Variants in ANKS1B observed in about 807,000 individuals in gnomAD.
The protein encoded by ANKS1B is ankyrin repeat and sterile alpha motif domain-containing protein 1B.
ANKS1B carries 36 observed loss-of-function variants against 148.3 expected under a neutral mutation model. The ratio of observed to expected loss-of-function variants is 0.24; its 90% CI spans 0.19 to 0.32. The LOEUF (loss-of-function observed/expected upper bound fraction) is 0.32, where lower values mean the gene tolerates loss of function less well. ANKS1B is among the 10% of genes least tolerant of loss of function. The pLI is 1.00. For missense variants in ANKS1B, 1,157 were observed against 1,542.6 expected (o/e 0.75, Z 4.19); for synonymous variants, 542 against 560.8 (o/e 0.97, Z 0.47).
chr12:98,744,285 G>C lies in ANKS1B; in HGVS notation c.*1454C>G, dbSNP rs2097835754. 2 of 934,390 alleles carry C rather than the reference G, an allele frequency of 2.1e-6. No individual in the cohort carries two copies. Among genetic ancestry groups the C allele is most frequent in the Non-Finnish European group, 2.6e-6 (2 of 783,408 alleles). 57.9% of individuals were successfully genotyped at this position (934,390 alleles called of 1,614,324 possible). On this transcript the variant is annotated 3_prime_UTR_variant, in exon 27 of 27. Transcript: ENST00000683438. ...GAACTAAAACCGTATACATTTGTTA[G>C]TTTGAAATAAAATGTAGTTATTCTT... is the stretch of plus-strand genomic sequence containing the variant.
intron 12 of ANKS1B, among the ~76,000 whole-genome samples, chr12:99,272,927 T>C (rs1051173804): frequency 2.6e-5 from 4 of 152,216 alleles, no homozygotes; most frequent in African/African-American, 9.6e-5. Context: ...TTACTGACCC[T>C]ACCAATATCT....
At chr12:98,959,985 T>G (rs2099868497) in intron 17 of ANKS1B, among the ~76,000 whole-genome samples, 1 of 152,146 alleles carries the variant, frequency 6.6e-6, no homozygotes, top group African/African-American at 2.4e-5. Flanking sequence ...CCAGGTATAT[T>G]CCTAAGGTTT....
intron 11 of ANKS1B, among the ~76,000 whole-genome samples, chr12:99,438,166 T>A (rs1284196604): frequency 6.6e-6 from 1 of 151,912 alleles, no homozygotes; most frequent in Non-Finnish European, 1.5e-5. Context: ...AAAGTACATG[T>A]GAGGAAATCA....
At chr12:99,372,082 C>T (rs192854823) in intron 12 of ANKS1B, among the ~76,000 whole-genome samples, 30 of 152,110 alleles carry the variant, frequency 2.0e-4, no homozygotes, top group African/African-American at 7.0e-4. Flanking sequence ...TGTGTAAACC[C>T]ATAGAATGTA....
intron 12 of ANKS1B, among the ~76,000 whole-genome samples, chr12:99,366,203 G>T (rs1287201545): frequency 6.6e-6 from 1 of 152,178 alleles, no homozygotes; most frequent in Non-Finnish European, 1.5e-5. Flanking sequence ...GAAGTCAGGG[G>T]TATTTCTCTC....
At chr12:99,310,102 T>G (rs2082931613) in intron 12 of ANKS1B, among the ~76,000 whole-genome samples, 1 of 152,106 alleles carries the variant, frequency 6.6e-6, no homozygotes. Context: ...TTTAAGAGAG[T>G]TTGGAGATTA....
chr12:98,983,616 C>T (rs1166799466), intron 17 of ANKS1B, among the ~76,000 whole-genome samples: 1 of 152,208 alleles, frequency 6.6e-6, no homozygotes, highest in Non-Finnish European at 1.5e-5. Context: ...TGATTCACTA[C>T]TGTTTCATAG....
intron 8 of ANKS1B, among the ~76,000 whole-genome samples, chr12:99,699,612 G>A (rs527648221): frequency 7.2e-5 from 11 of 152,196 alleles, no homozygotes; most frequent in Non-Finnish European, 1.3e-4. Flanking sequence ...TAAATATCCC[G>A]TAACTTCTGG....
At chr12:99,976,453 T>TC (rs779724671) in intron 1 of ANKS1B, among the ~76,000 whole-genome samples, 1 of 152,320 alleles carries the variant, frequency 6.6e-6, no homozygotes, top group Admixed American at 6.5e-5. Context: ...ACGCTTTTTT[T>TC]CTGAGATGTG....
intron 12 of ANKS1B, among the ~76,000 whole-genome samples, chr12:99,271,138 T>G (rs536005504): frequency 4.9e-4 from 75 of 152,298 alleles, no homozygotes; most frequent in African/African-American, 1.7e-3. Context: ...CTTGGCAAAT[T>G]CAAATTATTT....
chr12:99,278,034 C>A (rs2712669), intron 12 of ANKS1B, among the ~76,000 whole-genome samples: 133,120 of 152,280 alleles, frequency 0.87, 58,389 homozygotes, highest in East Asian at 1. Flanking sequence ...AGATAAAACT[C>A]TTCAAGCGAG....
At chr12:98,777,604 G>A (rs2098692543) in intron 24 of ANKS1B, among the ~76,000 whole-genome samples, 1 of 152,210 alleles carries the variant, frequency 6.6e-6, no homozygotes, top group African/African-American at 2.4e-5. Flanking sequence ...ACAGAAGGCT[G>A]AGGTGATTTA....
chr12:99,684,946 A>G (rs551226506), intron 8 of ANKS1B, among the ~76,000 whole-genome samples: 1 of 152,334 alleles, frequency 6.6e-6, no homozygotes, highest in African/African-American at 2.4e-5. Context: ...TCAAAGACTT[A>G]AATCTAACAC....
At chr12:99,632,746 TATATATATATATATA>T (rs1567522462) in intron 9 of ANKS1B, among the ~76,000 whole-genome samples, 2 of 107,586 alleles carry the variant, frequency 1.9e-5, no homozygotes, top group African/African-American at 6.5e-5. Flanking sequence ...TATATATATA[TATATATATATATATA>T]TATATATTTT....
Position 99,503,656 on chromosome 12 carries a change from A to T in ANKS1B, c.1438+820T>A, listed in dbSNP as rs958908148. Among the ~76,000 whole-genome samples the T allele has an allele frequency of 6.6e-5, 10 of 152,148 alleles. 1 individual carries two copies. In the Middle Eastern group the frequency reaches 0.017, roughly 259 times the overall value. On this transcript the variant is annotated intron_variant, in intron 10 of 26. Coordinates refer to ENST00000683438, the MANE Select transcript of ANKS1B (RefSeq NM_001352186.2). ...ATCCGTACTCTCTACTCCATTTCCC[A>T]GTGTCTTATTTCCCATTTCCCAATG...
At chr12:98,791,126 C>T (rs182650748) in intron 22 of ANKS1B, among the ~76,000 whole-genome samples, 136 of 152,230 alleles carry the variant, frequency 8.9e-4, no homozygotes, top group Non-Finnish European at 1.8e-3. Flanking sequence ...GTGGGCAGAT[C>T]ACAAGGTCAG....
At chr12:99,305,450 C>T (rs540206856) in intron 12 of ANKS1B, among the ~76,000 whole-genome samples, 33 of 152,130 alleles carry the variant, frequency 2.2e-4, no homozygotes, top group Admixed American at 2.0e-3. Flanking sequence ...AATATTGTTT[C>T]CCTAGCATAA....
At chr12:99,965,576 T>C (rs1332750491) in intron 1 of ANKS1B, among the ~76,000 whole-genome samples, 4 of 152,310 alleles carry the variant, frequency 2.6e-5, no homozygotes, top group African/African-American at 9.6e-5. Context: ...CCATGCCACC[T>C]GACAGGATAC....
At chr12:99,932,097 A>G (rs1024427948) in intron 1 of ANKS1B, among the ~76,000 whole-genome samples, 1 of 152,206 alleles carries the variant, frequency 6.6e-6, no homozygotes, top group Non-Finnish European at 1.5e-5. Context: ...TGCAAATTAC[A>G]GGATCTCATT....
Sources: allele counts gnomAD v4.1 joint callset (sites outside exome capture counted in the v4.1 genomes callset), GRCh38; gene constraint gnomAD v4.1.1; transcripts MANE v1.5; gene names NCBI Gene and HGNC (gene_info 2026-07-23, HGNC 2026-07-21).